The following TRAP1 variants were observed in gnomAD, a reference collection of about 807,000 sequenced individuals.
TRAP1 encodes TNF receptor associated protein 1.
In TRAP1, 102 loss-of-function variants were observed where a neutral mutation model predicts 89.1. That is an observed-to-expected ratio of 1.15 (90% CI 0.98 to 1.35). The LOEUF (loss-of-function observed/expected upper bound fraction) is 1.35, where lower values mean the gene tolerates loss of function less well. TRAP1 is among the 40% of genes most tolerant of loss of function. TRAP1 has a pLI of 0.00. For missense variants in TRAP1, 1,256 were observed against 945.3 expected, an observed-to-expected ratio of 1.33 and a Z score of -4.31; for synonymous variants, 508 against 388.0, an observed-to-expected ratio of 1.31 and a Z score of -3.64.
chr16:3,663,205 C>G (rs1243560830), intron 14 of TRAP1: 8 of 694,450 alleles, frequency 1.2e-5, no homozygotes, highest in Non-Finnish European at 1.9e-5. Flanking sequence ...GCTGGGCCAG[C>G]TCCAGAAGCC....
chr16:3,709,520 T>C (rs562108367), intron 1 of TRAP1, among the ~76,000 whole-genome samples: 2 of 152,250 alleles, frequency 1.3e-5, no homozygotes, highest in Non-Finnish European at 2.9e-5. Flanking sequence ...GTTACATAAA[T>C]TACAAAACAT....
At chr16:3,682,924 T>C (rs1302498613) in intron 4 of TRAP1, among the ~76,000 whole-genome samples, 2 of 152,036 alleles carry the variant, frequency 1.3e-5, no homozygotes, top group Non-Finnish European at 1.5e-5. Context: ...ATCCCAGCAC[T>C]TTGGGAGGCC....
At chr16:3,684,399 T>C (rs1201331927) in intron 4 of TRAP1, among the ~76,000 whole-genome samples, 1 of 152,162 alleles carries the variant, frequency 6.6e-6, no homozygotes, top group Non-Finnish European at 1.5e-5. Context: ...GAGATATCAG[T>C]AGATGAGATG....
In TRAP1 at chr16:3,662,007, G is replaced by C; in HGVS notation, c.1920C>G (p.Pro640=). Residue 640 remains proline (P), a synonymous_variant, in exon 16 of 18, where the codon CCC becomes CCG. Transcript: ENST00000246957. ...CTCACCTGGGGTTGATCTCCAGCGT[G>C]GGCTGCAGGAGCTGTGCGCGCTCCT... is the stretch of plus-strand genomic sequence containing the variant. ...TQEERAQLLQ[P]TLEINPRHAL... 6.2e-7 allele frequency: 1 copy of C among 1,609,828 alleles called. No individual in the cohort carries two copies. The highest frequency in any genetic ancestry group is 8.5e-7 in the Non-Finnish European group (1 of 1,177,976).
chr16:3,679,992 G>A, intron 4 of TRAP1: 1 of 547,634 alleles, frequency 1.8e-6, no homozygotes, highest in East Asian at 3.1e-5. Flanking sequence ...CACTATGGGA[G>A]GCCAAGGCAG....
At position 3,698,504 on chromosome 16, in the gene TRAP1, G is replaced by A. The variant is rs1205401650; in HGVS notation, c.89-7519C>T. Among the ~76,000 whole-genome samples the A allele has an allele frequency of 1.2e-4, 18 of 151,230 alleles. 1 individual carries two copies. The highest frequency in any genetic ancestry group is 1.2e-4 in the African/African-American group (5 of 41,236). Reference sequence around the variant, plus strand: ...TTTTTAGTAGAGATGGGGTTTCACCGTGTTAGCCAGGATGGTCTTGATCTC... The same window carrying A: ...TTTTTAGTAGAGATGGGGTTTCACCATGTTAGCCAGGATGGTCTTGATCTC... On this transcript the variant is annotated intron_variant, in intron 1 of 17. Transcript: ENST00000246957.
chr16:3,689,241 A>ATT, intron 2 of TRAP1, 104 bp from the exon 3 acceptor site: 3 of 886,712 alleles, frequency 3.4e-6, no homozygotes, highest in South Asian at 4.0e-5. Flanking sequence ...TGAGTTTTAA[A>ATT]CTTTTTTTTT....
chr16:3,700,137 T>C (rs2051345843), intron 1 of TRAP1, among the ~76,000 whole-genome samples: 1 of 152,156 alleles, frequency 6.6e-6, no homozygotes, highest in Non-Finnish European at 1.5e-5. Flanking sequence ...TTTCTTGGTA[T>C]GCCAAAGTAT....
intron 2 of TRAP1, among the ~76,000 whole-genome samples, chr16:3,689,495 C>T (rs116168944): frequency 3.3e-5 from 5 of 152,246 alleles, no homozygotes; most frequent in Admixed American, 6.5e-5. Flanking sequence ...TGGCCCGCCT[C>T]GGCCTCCCAC....
At chr16:3,675,098 C>T (rs894757555) in intron 8 of TRAP1, among the ~76,000 whole-genome samples, 8 of 152,264 alleles carry the variant, frequency 5.3e-5, no homozygotes, top group Admixed American at 3.9e-4. Flanking sequence ...ATGGGCGTTA[C>T]GCCTCAGTGA....
At chr16:3,689,672 T>G (rs1431255580) in intron 2 of TRAP1, 1 of 152,390 alleles carries the variant, frequency 6.6e-6, no homozygotes, top group Non-Finnish European at 1.5e-5. Context: ...TCCCGCCATC[T>G]CTACAAAAAA....
At chr16:3,668,700 C>T (rs4786428) in intron 11 of TRAP1, among the ~76,000 whole-genome samples, 6,697 of 152,272 alleles carry the variant, frequency 0.044, 194 homozygotes, top group South Asian at 0.095. Context: ...TCTGCAGCTT[C>T]GGGCACTACC....
At chr16:3,717,392 C>T in intron 1 of TRAP1, 29 bp downstream of exon 1, 1 of 1,000,184 alleles carries the variant, frequency 1.0e-6, no homozygotes, top group East Asian at 3.4e-5. Context: ...CCGGCCCGCC[C>T]GCTGCCCGTC....
At chr16:3,699,433 T>C (rs2151276361) in intron 1 of TRAP1, among the ~76,000 whole-genome samples, 1 of 152,166 alleles carries the variant, frequency 6.6e-6, no homozygotes, top group African/African-American at 2.4e-5. Context: ...GGTCAGGAGT[T>C]CAAGACCAGC....
Position 3,686,014 on chromosome 16 carries a change from T to C in TRAP1, c.453A>G (p.Lys151=), listed in dbSNP as rs140365949. 2 of 1,613,820 alleles carry C rather than the reference T, an allele frequency of 1.2e-6. No homozygotes were observed. The highest frequency in any genetic ancestry group is 1.3e-5 in the African/African-American group (1 of 74,900). The change falls in exon 4 of 18, where the codon AAA becomes AAG. Residue 151 remains lysine (K), a synonymous_variant. Coordinates refer to ENST00000246957, the MANE Select transcript of TRAP1 (RefSeq NM_016292.3). ...MEIHLQTNAE[K]GTITIQDTGI... ...GAGGTACCTGGATGGTGATGGTGCC[T>C]TTCTCGGCATTGGTCTGCAAGTGAA...
intron 9 of TRAP1, 150 bp from the exon 10 acceptor site, chr16:3,672,970 G>A: frequency 8.9e-7 from 1 of 1,119,744 alleles, no homozygotes; most frequent in Non-Finnish European, 1.2e-6. Flanking sequence ...CAGTGCAGGG[G>A]CCCCACGATG....
At chr16:3,669,428 T>C (rs1171378118) in intron 11 of TRAP1, among the ~76,000 whole-genome samples, 1 of 152,162 alleles carries the variant, frequency 6.6e-6, no homozygotes, top group Non-Finnish European at 1.5e-5. Flanking sequence ...TTTTCATTGA[T>C]TATATAACAT....
Position 3,689,133 on chromosome 16 carries a change from G to T in TRAP1, c.252C>A (p.Ser84=), listed in dbSNP as rs377222539. 58 of 1,613,186 alleles carry T rather than the reference G, an allele frequency of 3.6e-5. No homozygotes were observed. In the Middle Eastern group the frequency reaches 1.2e-3, roughly 32 times the overall value. Residue 84 remains serine, a synonymous_variant, in exon 3 of 18, where the codon TCC becomes TCA. Coordinates refer to ENST00000246957, the MANE Select transcript of TRAP1 (RefSeq NM_016292.3). ...CGGCCTGGAACTCATGTTTGGAAGT[G>T]GAACCTAGTAATGAAACACAGACAC... The part of the protein sequence containing the change: ...IISSTESVQG[S]TSKHEFQAET...
At position 3,658,880 on chromosome 16, in the gene TRAP1, C is replaced by T; in HGVS notation, c.1941-15G>A. The T allele has an allele frequency of 6.2e-7, 1 of 1,613,864 alleles. No homozygotes were observed. The highest frequency in any genetic ancestry group is 8.5e-7 in the Non-Finnish European group (1 of 1,179,868). On this transcript the variant is annotated splice_polypyrimidine_tract_variant and intron_variant, in intron 16 of 17. Transcript: ENST00000246957. ...TGAGCGCGTGCCTGCAACACAGAAC[C>T]CACCAGAAAAAGCAGCTCAGTACCA...
Sources: allele counts gnomAD v4.1 joint callset (sites outside exome capture counted in the v4.1 genomes callset), GRCh38; gene constraint gnomAD v4.1.1; transcripts MANE v1.5; gene names NCBI Gene and HGNC (gene_info 2026-07-23, HGNC 2026-07-21).